The following ACCSL variants were observed in gnomAD, a reference collection of about 807,000 sequenced individuals.
ACCSL encodes probable inactive 1-aminocyclopropane-1-carboxylate synthase-like protein 2.
ACCSL carries 55 observed loss-of-function variants against 61.7 expected under a neutral mutation model. The ratio of observed to expected loss-of-function variants is 0.89; its 90% CI spans 0.72 to 1.12. ACCSL has a LOEUF of 1.12. Ranked by LOEUF, ACCSL falls within the 50% of genes most tolerant of loss-of-function variation. ACCSL has a pLI of 0.00. For synonymous variants in ACCSL, 258 were observed against 264.3 expected, an observed-to-expected ratio of 0.98 and a Z score of 0.23; for missense variants, 632 against 698.0, an observed-to-expected ratio of 0.91 and a Z score of 1.07.
At chr11:44,014,562 G>T in the ACCSL span, among the ~76,000 whole-genome samples, 1 of 150,258 alleles carries the variant, frequency 6.7e-6, no homozygotes, top group Admixed American at 6.7e-5. Context: ...AATCTCAGAA[G>T]GGACATACCA....
upstream of ACCSL, chr11:44,047,865 T>C (rs1952609059): frequency 9.9e-6 from 8 of 811,336 alleles, no homozygotes; most frequent in Middle Eastern, 3.7e-4. Flanking sequence ...CATGAACCAA[T>C]CTGGTCATAT....
chr11:43,978,769 A>T, the ACCSL span, among the ~76,000 whole-genome samples: 8 of 131,046 alleles, frequency 6.1e-5, no homozygotes, highest in Non-Finnish European at 9.5e-5. Flanking sequence ...TTCCTGATTC[A>T]CCTGAGAAGG....
the ACCSL span, among the ~76,000 whole-genome samples, chr11:43,970,046 G>A: frequency 2.0e-5 from 3 of 151,984 alleles, no homozygotes; most frequent in Non-Finnish European, 2.9e-5. Context: ...GCCAGGCTTG[G>A]TAGCTCAAGC....
At chr11:44,055,956 C>A in intron 9 of ACCSL, 84 bp from the exon 10 acceptor site, 1 of 1,538,038 alleles carries the variant, frequency 6.5e-7, no homozygotes, top group Non-Finnish European at 8.9e-7. Context: ...GGACCAACCT[C>A]AAATCTACTT....
chr11:43,991,627 C>T, the ACCSL span, among the ~76,000 whole-genome samples: 997 of 152,290 alleles, frequency 6.5e-3, 8 homozygotes, highest in Non-Finnish European at 8.8e-3. Flanking sequence ...AACCCCATCT[C>T]TGCTAAAAAT....
At chr11:44,021,522 C>T in the ACCSL span, among the ~76,000 whole-genome samples, 3 of 151,912 alleles carry the variant, frequency 2.0e-5, no homozygotes, top group Non-Finnish European at 2.9e-5. Flanking sequence ...ATATTAGTTC[C>T]TTGTTGGATG....
In ACCSL at chr11:44,055,252, A is replaced by C. The variant is rs745408227; in HGVS notation, c.1100A>C (p.Asp367Ala). 1.6e-5 allele frequency: 26 copies of C among 1,612,970 alleles called. No homozygotes were observed. The highest frequency in any genetic ancestry group is 2.1e-5 in the Non-Finnish European group (25 of 1,179,232). ...IDEIYMLSVF[D>A]ESITFHSILS... is the part of the protein sequence containing the mutation. ...GAGATTTACATGCTGTCTGTGTTTG[A>C]TGAATCCATCACATTCCACAGCATT... The change falls in exon 9 of 14, where the codon GAT becomes GCT. Residue 367 changes from aspartate (D) to alanine (A), a missense_variant. Transcript: ENST00000378832.
the ACCSL span, among the ~76,000 whole-genome samples, chr11:44,029,969 T>C: frequency 1.1e-5 from 1 of 94,480 alleles, no homozygotes; most frequent in African/African-American, 4.0e-5. Flanking sequence ...CTGGGCCTTG[T>C]TTTTATTTTA....
chr11:44,057,280 A>G (rs1252462376), intron 11 of ACCSL, among the ~76,000 whole-genome samples: 1 of 152,244 alleles, frequency 6.6e-6, no homozygotes, highest in African/African-American at 2.4e-5. Flanking sequence ...GTTTTAATTA[A>G]TAGCTGGGAT....
At chr11:44,018,272 C>G in the ACCSL span, among the ~76,000 whole-genome samples, 1 of 152,220 alleles carries the variant, frequency 6.6e-6, no homozygotes, top group African/African-American at 2.4e-5. Flanking sequence ...GCAGACGACT[C>G]AGCCAGACTG....
chr11:44,029,436 C>G, the ACCSL span, among the ~76,000 whole-genome samples: 1 of 152,254 alleles, frequency 6.6e-6, no homozygotes, highest in African/African-American at 2.4e-5. Flanking sequence ...GAGGCTTTCT[C>G]TGTATACCGT....
chr11:43,968,237 A>G, the ACCSL span, among the ~76,000 whole-genome samples: 1 of 148,448 alleles, frequency 6.7e-6, no homozygotes, highest in Admixed American at 6.7e-5. Context: ...TTAGGGTGAG[A>G]CCCTTTAGGG....
the ACCSL span, among the ~76,000 whole-genome samples, chr11:43,985,104 C>T: frequency 6.6e-6 from 1 of 152,182 alleles, no homozygotes; most frequent in Non-Finnish European, 1.5e-5. Context: ...TGGCAGGAGA[C>T]CCAGGTTCCC....
chr11:44,029,898 G>A, the ACCSL span, among the ~76,000 whole-genome samples: 3 of 150,884 alleles, frequency 2.0e-5, no homozygotes, highest in South Asian at 6.3e-4. Flanking sequence ...TGTATAACAT[G>A]AGGTTCTTGG....
the ACCSL span, among the ~76,000 whole-genome samples, chr11:44,023,779 G>C: frequency 6.6e-6 from 1 of 151,880 alleles, no homozygotes; most frequent in Non-Finnish European, 1.5e-5. Flanking sequence ...AAATATAAAT[G>C]TTTATAGTTA....
the ACCSL span, among the ~76,000 whole-genome samples, chr11:44,040,135 G>C: frequency 2.6e-5 from 4 of 152,210 alleles, no homozygotes; most frequent in African/African-American, 4.8e-5. Context: ...TCTGCCCTGG[G>C]TTAACCCACT....
At chr11:44,038,934 T>G in the ACCSL span, among the ~76,000 whole-genome samples, 2 of 152,204 alleles carry the variant, frequency 1.3e-5, no homozygotes, top group Non-Finnish European at 2.9e-5. Context: ...GAAGGGGAAC[T>G]GTCAAAGGAT....
chr11:44,034,438 A>G, the ACCSL span, among the ~76,000 whole-genome samples: 3 of 152,224 alleles, frequency 2.0e-5, no homozygotes, highest in Admixed American at 6.5e-5. Flanking sequence ...TGATAAAGAC[A>G]TACCTGAAAC....
At chr11:44,049,118 G>A (rs1187674360) in intron 1 of ACCSL, among the ~76,000 whole-genome samples, 5 of 152,052 alleles carry the variant, frequency 3.3e-5, no homozygotes, top group African/African-American at 9.7e-5. Context: ...GATGGGAGGT[G>A]TTAAGATGTT....
Sources: gnomAD v4.1 joint callset for allele counts (sites outside exome capture counted in the v4.1 genomes callset) on GRCh38, gnomAD v4.1.1 for gene constraint, MANE v1.5 for transcripts, NCBI Gene and HGNC (gene_info 2026-07-23, HGNC 2026-07-21) for gene names.